The following CCBE1 variants were observed in gnomAD, a reference collection of about 807,000 sequenced individuals.
The protein encoded by CCBE1 is collagen and calcium binding EGF domains 1.
In CCBE1, 37 loss-of-function variants were observed where a neutral mutation model predicts 50.0. That is an observed-to-expected ratio of 0.74 (90% CI 0.57 to 0.97). The LOEUF is 0.97. CCBE1 is among the 50% of genes least tolerant of loss of function. The pLI, the probability that CCBE1 is intolerant of heterozygous loss-of-function variation, is 0.00. For synonymous variants in CCBE1, 234 were observed against 203.7 expected, an observed-to-expected ratio of 1.15 and a Z score of -1.27; for missense variants, 538 against 523.8, an observed-to-expected ratio of 1.03 and a Z score of -0.26.
intron 2 of CCBE1, among the ~76,000 whole-genome samples, chr18:59,494,520 A>G (rs923858728): frequency 1.7e-5 from 1 of 59,994 alleles, no homozygotes; most frequent in Non-Finnish European, 2.8e-5. Context: ...AAATGAGGAC[A>G]GATTTTTTTT....
chr18:59,607,456 G>C (rs1451789114), intron 2 of CCBE1, among the ~76,000 whole-genome samples: 1 of 152,142 alleles, frequency 6.6e-6, no homozygotes, highest in Non-Finnish European at 1.5e-5. Context: ...GACATATAAT[G>C]AACTATGGGG....
chr18:59,502,907 G>A (rs1913693062), intron 2 of CCBE1, among the ~76,000 whole-genome samples: 2 of 152,144 alleles, frequency 1.3e-5, no homozygotes, highest in Admixed American at 6.5e-5. Context: ...GGATGCATAC[G>A]TTCTAGATCA....
chr18:59,448,525 G>A (rs1398292861), intron 6 of CCBE1, among the ~76,000 whole-genome samples: 1 of 152,132 alleles, frequency 6.6e-6, no homozygotes, highest in Non-Finnish European at 1.5e-5. Context: ...TGCCCTTAAA[G>A]AACTCTCAGC....
intron 2 of CCBE1, among the ~76,000 whole-genome samples, chr18:59,611,754 A>T (rs7233768): frequency 0.36 from 53,995 of 152,030 alleles, 9,978 homozygotes; most frequent in East Asian, 0.61. Flanking sequence ...TTAAAAAAAA[A>T]AATAAAAAAA....
chr18:59,483,632 T>C (rs1269083421), intron 2 of CCBE1, among the ~76,000 whole-genome samples: 1 of 152,202 alleles, frequency 6.6e-6, no homozygotes, highest in Non-Finnish European at 1.5e-5. Flanking sequence ...TATGTGAAAT[T>C]TATGAAAAGT....
At chr18:59,538,092 G>A (rs1045311858) in intron 2 of CCBE1, among the ~76,000 whole-genome samples, 1 of 152,162 alleles carries the variant, frequency 6.6e-6, no homozygotes, top group South Asian at 2.1e-4. Flanking sequence ...CGTCCAATAA[G>A]ATAATGCACC....
intron 2 of CCBE1, among the ~76,000 whole-genome samples, chr18:59,546,670 A>G (rs1915695744): frequency 6.6e-6 from 1 of 152,238 alleles, no homozygotes; most frequent in Admixed American, 6.5e-5. Flanking sequence ...TATAGTTAAG[A>G]AATCCAAATC....
chr18:59,492,489 C>T (rs866536332), intron 2 of CCBE1, among the ~76,000 whole-genome samples: 11 of 152,284 alleles, frequency 7.2e-5, no homozygotes, highest in African/African-American at 2.4e-4. Flanking sequence ...TGGGCAACTT[C>T]CAGGCAGTGC....
chr18:59,457,706 T>C (rs1401282503), intron 5 of CCBE1, among the ~76,000 whole-genome samples: 2 of 152,208 alleles, frequency 1.3e-5, no homozygotes, highest in African/African-American at 4.8e-5. Context: ...CTAGCAAGTA[T>C]CTGAGGTGGG....
chr18:59,580,366 G>A (rs893080299), intron 2 of CCBE1, among the ~76,000 whole-genome samples: 5 of 152,154 alleles, frequency 3.3e-5, no homozygotes, highest in African/African-American at 4.8e-5. Flanking sequence ...CCGAAACAAT[G>A]TTCATGTTGC....
chr18:59,616,581 C>T (rs2053639642), intron 2 of CCBE1, among the ~76,000 whole-genome samples: 1 of 152,182 alleles, frequency 6.6e-6, no homozygotes, highest in Non-Finnish European at 1.5e-5. Context: ...TGAAACTCCC[C>T]TTAGTGGCTA....
chr18:59,605,799 A>G (rs2053489952), intron 2 of CCBE1, among the ~76,000 whole-genome samples: 1 of 152,148 alleles, frequency 6.6e-6, no homozygotes, highest in South Asian at 2.1e-4. Context: ...TTGTTGCCAG[A>G]GAAACGTTCC....
At chr18:59,632,723 G>C (rs2053865290) in intron 2 of CCBE1, among the ~76,000 whole-genome samples, 1 of 151,786 alleles carries the variant, frequency 6.6e-6, no homozygotes, top group Non-Finnish European at 1.5e-5. Flanking sequence ...CTGAGTAGCT[G>C]GGATTACAGG....
intron 4 of CCBE1, among the ~76,000 whole-genome samples, chr18:59,468,228 G>A (rs904369642): frequency 1.3e-5 from 2 of 152,052 alleles, no homozygotes; most frequent in African/African-American, 2.4e-5. Context: ...TATAAAATAC[G>A]AACAAAATTA....
intron 2 of CCBE1, among the ~76,000 whole-genome samples, chr18:59,512,201 G>C (rs1914161829): frequency 6.6e-6 from 1 of 152,198 alleles, no homozygotes; most frequent in African/African-American, 2.4e-5. Context: ...GAAGGGTGTG[G>C]TCCCTGGCTA....
At chr18:59,542,125 G>A (rs1915490849) in intron 2 of CCBE1, among the ~76,000 whole-genome samples, 1 of 150,026 alleles carries the variant, frequency 6.7e-6, no homozygotes, top group Admixed American at 6.7e-5. Context: ...AGTGAGCTGT[G>A]AGTGTGCCAC....
At position 59,451,126 on chromosome 18, in the gene CCBE1, C is replaced by G. The variant is rs566396752; in HGVS notation, c.655-3023G>C. 1.4e-4 allele frequency among the ~76,000 whole-genome samples: 22 copies of G among 152,256 alleles called. 1 individual carries two copies. The highest frequency in any genetic ancestry group is 4.3e-4 in the African/African-American group (18 of 41,552). Reference sequence around the variant, plus strand: ...AGTTTATTTCAGGCAGAATCCTCTCCGTAGTGTTTTGTATTTCCCCATTTC... The same window carrying G: ...AGTTTATTTCAGGCAGAATCCTCTCGGTAGTGTTTTGTATTTCCCCATTTC... On this transcript the variant is annotated intron_variant, in intron 6 of 10. Transcript: ENST00000439986.
At chr18:59,645,280 T>C (rs2054041614) in intron 2 of CCBE1, among the ~76,000 whole-genome samples, 1 of 152,222 alleles carries the variant, frequency 6.6e-6, no homozygotes, top group African/African-American at 2.4e-5. Context: ...TCTGTTGATT[T>C]AGGGATCCTA....
chr18:59,554,061 G>A (rs1916023657), intron 2 of CCBE1, among the ~76,000 whole-genome samples: 1 of 152,144 alleles, frequency 6.6e-6, no homozygotes, highest in Non-Finnish European at 1.5e-5. Flanking sequence ...GGAGAGCAGT[G>A]GTGCGATCAC....
Sources: gnomAD v4.1 joint callset for allele counts (sites outside exome capture counted in the v4.1 genomes callset) on GRCh38, gnomAD v4.1.1 for gene constraint, MANE v1.5 for transcripts, NCBI Gene and HGNC (gene_info 2026-07-23, HGNC 2026-07-21) for gene names.